Variants in NHS observed in about 807,000 individuals in gnomAD.
NHS encodes the protein NHS actin remodeling regulator.
In NHS, 5 loss-of-function variants were observed where a neutral mutation model predicts 72.5. The observed-to-expected ratio is 0.07, with a 90% confidence interval of 0.04 to 0.14. The LOEUF (loss-of-function observed/expected upper bound fraction) is 0.14, where lower values mean the gene tolerates loss of function less well. Among genes scored for constraint, NHS ranks in the 10% least tolerant of loss-of-function variants. The probability of loss-of-function intolerance (pLI) is 1.00; values close to 1 mark genes in which losing one functional copy is unlikely to be tolerated. For synonymous variants in NHS, 464 were observed against 547.7 expected (o/e 0.85, Z 2.13); for missense variants, 1,072 against 1,355.7 (o/e 0.79, Z 3.29).
chrX:17,538,636 T>TA (rs1243684006), intron 1 of NHS, among the ~76,000 whole-genome samples: 1 of 111,339 alleles, frequency 9.0e-6, no homozygotes, highest in African/African-American at 3.3e-5. Flanking sequence ...GTCATAGGTG[T>TA]ACGGAGCAAG....
At position 17,732,137 on chromosome X, in the gene NHS, C is replaced by G. The variant is rs2066491647; in HGVS notation, c.4629C>G (p.Pro1543=). 1.7e-6 allele frequency: 2 copies of G among 1,210,360 alleles called. No individual in the cohort carries two copies. Residue 1543 remains proline, a synonymous_variant, in exon 9 of 9, where the codon CCC becomes CCG. Transcript: ENST00000676302. ...CTGCCACTGAGATCCTGAAGAGCCC[C>G]ATACTGCCCAAACCTCCTGGGGAGC... is the stretch of plus-strand genomic sequence containing the variant. ...RMSATEILKS[P]ILPKPPGELT...
In NHS at chrX:17,727,240, T is replaced by C. The variant is rs759704411; in HGVS notation, c.3134T>C (p.Leu1045Ser). 3.6e-5 allele frequency: 44 copies of C among 1,210,164 alleles called. No individual in the cohort carries two copies. Among genetic ancestry groups the C allele is most frequent in the Non-Finnish European group, 4.9e-5 (44 of 895,110 alleles). Residue 1045 changes from leucine to serine, a missense_variant, in exon 7 of 9, where the codon TTG becomes TCG. Transcript: ENST00000676302. ...SFPTAFFSGP[L>S]SPGGSKRKPK... Reference sequence around the variant, plus strand: ...CCTACAGCTTTCTTTTCAGGTCCATTGTCTCCCGGAGGTAGCAAAAGAAAA... The same window carrying C: ...CCTACAGCTTTCTTTTCAGGTCCATCGTCTCCCGGAGGTAGCAAAAGAAAA...
intron 1 of NHS, among the ~76,000 whole-genome samples, chrX:17,582,159 G>T (rs935491908): frequency 8.9e-6 from 1 of 111,771 alleles, no homozygotes; most frequent in African/African-American, 3.3e-5. Flanking sequence ...TCCATTACCT[G>T]CTTTTTAGCT....
intron 1 of NHS, among the ~76,000 whole-genome samples, chrX:17,378,059 C>CGTGTGTGTGTGTGTGGGTGTGTGT (rs2064355764): frequency 9.9e-6 from 1 of 101,036 alleles, no homozygotes; most frequent in African/African-American, 3.8e-5. Flanking sequence ...ATACATTTCC[C>CGTGTGTGTGTGTGTGGGTGTGTGT]GTGTGTGTGT....
intron 1 of NHS, among the ~76,000 whole-genome samples, chrX:17,616,280 T>G (rs2065746579): frequency 8.9e-6 from 1 of 112,779 alleles, no homozygotes; most frequent in South Asian, 3.7e-4. Context: ...AGTAGATTTT[T>G]GGTTGCCATT....
At chrX:17,640,014 G>A (rs1391832552) in intron 1 of NHS, among the ~76,000 whole-genome samples, 1 of 111,829 alleles carries the variant, frequency 8.9e-6, no homozygotes, top group Non-Finnish European at 1.9e-5. Flanking sequence ...TTTGCCTTTG[G>A]TTGATTCTTG....
intron 1 of NHS, among the ~76,000 whole-genome samples, chrX:17,607,909 CTTTTCTTTTCTTTTTT>C (rs1454195721): frequency 9.7e-6 from 1 of 102,713 alleles, no homozygotes; most frequent in Non-Finnish European, 2.0e-5. Flanking sequence ...TTCTCTTTTT[CTTTTCTTTTCTTTTTT>C]TTTTTTTTTT....
At chrX:17,515,061 T>C (rs137973581) in intron 1 of NHS, among the ~76,000 whole-genome samples, 15 of 111,474 alleles carry the variant, frequency 1.3e-4, no homozygotes, top group Non-Finnish European at 2.6e-4. Flanking sequence ...CCTTGCAGAT[T>C]TGGAGCAAAT....
chrX:17,475,886 C>T (rs970603420), intron 1 of NHS, among the ~76,000 whole-genome samples: 1 of 111,880 alleles, frequency 8.9e-6, no homozygotes, highest in African/African-American at 3.3e-5. Context: ...TCTCATTTCA[C>T]GCTGCCTCTG....
intron 1 of NHS, among the ~76,000 whole-genome samples, chrX:17,497,330 A>G (rs940571901): frequency 3.6e-5 from 4 of 111,844 alleles, no homozygotes; most frequent in African/African-American, 1.3e-4. Context: ...TGTCCTCTGT[A>G]CTGTTGAGTT....
chrX:17,504,554 C>T, intron 1 of NHS, among the ~76,000 whole-genome samples: 1 of 111,991 alleles, frequency 8.9e-6, no homozygotes, highest in Non-Finnish European at 1.9e-5. Flanking sequence ...ATCTTTTCTT[C>T]CCATATATTC....
In NHS at chrX:17,375,615, C is replaced by A; in HGVS notation, c.-143C>A. 1.8e-6 allele frequency: 1 copy of A among 563,893 alleles called. No homozygotes were observed. Among genetic ancestry groups the A allele is most frequent in the Non-Finnish European group, 2.9e-6 (1 of 349,193 alleles). The allele number at this position is 563,893 out of a possible 1,213,427, so 46.5% of individuals were successfully genotyped here. A position where few individuals can be genotyped will look rare whatever the true frequency, so the allele number is the denominator to read the frequency against. ...GGCGGGGAAGAGGAGGCAAGGTGAGCAGAGAAGCCCCCTGCGTATCCGGAC... is the reference window on the plus strand; with the variant it reads ...GGCGGGGAAGAGGAGGCAAGGTGAGAAGAGAAGCCCCCTGCGTATCCGGAC... On this transcript the variant is annotated 5_prime_UTR_variant, in exon 1 of 9. Transcript: ENST00000676302.
At chrX:17,538,371 G>A (rs1382916956) in intron 1 of NHS, among the ~76,000 whole-genome samples, 1 of 111,558 alleles carries the variant, frequency 9.0e-6, no homozygotes, top group Non-Finnish European at 1.9e-5. Context: ...GTTAGGGCCT[G>A]GAGAGGTAAC....
intron 1 of NHS, among the ~76,000 whole-genome samples, chrX:17,471,287 G>A (rs886435773): frequency 3.6e-5 from 4 of 111,735 alleles, no homozygotes; most frequent in Admixed American, 9.5e-5. Context: ...GCACATTAAA[G>A]ATTGTTTGAG....
At chrX:17,405,803 C>A (rs1485271085) in intron 1 of NHS, among the ~76,000 whole-genome samples, 1 of 111,777 alleles carries the variant, frequency 8.9e-6, no homozygotes, top group Non-Finnish European at 1.9e-5. Flanking sequence ...AGCTGCCTGT[C>A]CCTCCCCTGC....
intron 1 of NHS, among the ~76,000 whole-genome samples, chrX:17,670,494 G>A (rs936914868): frequency 8.0e-5 from 9 of 112,608 alleles, no homozygotes; most frequent in East Asian, 5.5e-4. Context: ...GACTGAATCC[G>A]CACATTTAAT....
intron 1 of NHS, among the ~76,000 whole-genome samples, chrX:17,379,104 C>T (rs1348221562): frequency 2.7e-5 from 3 of 110,182 alleles, no homozygotes; most frequent in African/African-American, 9.9e-5. Flanking sequence ...CTTCACACCA[C>T]CTGTATATCC....
chrX:17,400,765 C>T (rs982357015), intron 1 of NHS, among the ~76,000 whole-genome samples: 2 of 111,764 alleles, frequency 1.8e-5, no homozygotes, highest in Admixed American at 9.5e-5. Flanking sequence ...AGACATCTTG[C>T]GTTCGCGGAT....
intron 1 of NHS, among the ~76,000 whole-genome samples, chrX:17,567,645 A>C (rs968532104): frequency 1.8e-5 from 2 of 110,942 alleles, no homozygotes; most frequent in Non-Finnish European, 3.8e-5. Flanking sequence ...TGAAGAAAAG[A>C]AGCTGTTTCT....
Sources: allele counts gnomAD v4.1 joint callset (sites outside exome capture counted in the v4.1 genomes callset), GRCh38; gene constraint gnomAD v4.1.1; transcripts MANE v1.5; gene names NCBI Gene and HGNC (gene_info 2026-07-23, HGNC 2026-07-21).